Variants in CSMD1 observed in about 807,000 individuals in gnomAD.
CSMD1 encodes CUB and sushi domain-containing protein 1.
A neutral mutation model predicts 417.5 loss-of-function variants in CSMD1; 213 were observed. The observed-to-expected ratio is 0.51, with a 90% CI of 0.46 to 0.57. The LOEUF is 0.57. Among genes scored for constraint, CSMD1 ranks in the 20% least tolerant of loss-of-function variants. The pLI is 0.00. For synonymous variants in CSMD1, 2,862 were observed against 1,736.8 expected, an observed-to-expected ratio of 1.65 and a Z score of -16.11; for missense variants, 6,923 against 4,529.7, an observed-to-expected ratio of 1.53 and a Z score of -15.17.
chr8:3,563,471 C>T (rs1799562777), intron 10 of CSMD1, among the ~76,000 whole-genome samples: 1 of 133,272 alleles, frequency 7.5e-6, no homozygotes, highest in African/African-American at 2.8e-5. Context: ...AAAAGGACCA[C>T]ATCTAAGACC....
At chr8:4,971,824 T>C (rs1210867136) in intron 1 of CSMD1, among the ~76,000 whole-genome samples, 1 of 152,052 alleles carries the variant, frequency 6.6e-6, no homozygotes, top group African/African-American at 2.4e-5. Flanking sequence ...TAAAGATAAG[T>C]TGATTTGTCT....
chr8:4,197,502 G>C (rs1201776677), intron 3 of CSMD1, among the ~76,000 whole-genome samples: 1 of 152,184 alleles, frequency 6.6e-6, no homozygotes, highest in Non-Finnish European at 1.5e-5. Flanking sequence ...CTGACTCTCT[G>C]TCAAGTAAGA....
intron 10 of CSMD1, among the ~76,000 whole-genome samples, chr8:3,515,016 T>A (rs1393099520): frequency 6.6e-6 from 1 of 152,178 alleles, no homozygotes; most frequent in Non-Finnish European, 1.5e-5. Context: ...AAGCCTAACA[T>A]TTAATCAAAT....
At chr8:4,716,847 A>T (rs1808690112) in intron 1 of CSMD1, among the ~76,000 whole-genome samples, 1 of 152,180 alleles carries the variant, frequency 6.6e-6, no homozygotes, top group African/African-American at 2.4e-5. Context: ...ATTTGAAACA[A>T]CCAAATTTTG....
intron 10 of CSMD1, among the ~76,000 whole-genome samples, chr8:3,508,377 G>C (rs1212153009): frequency 3.3e-5 from 5 of 151,722 alleles, no homozygotes; most frequent in Non-Finnish European, 7.4e-5. Context: ...GGAGGGGGGA[G>C]GGATAGCATT....
intron 11 of CSMD1, among the ~76,000 whole-genome samples, chr8:3,484,042 T>A (rs1225229475): frequency 2.6e-5 from 4 of 152,206 alleles, no homozygotes; most frequent in Non-Finnish European, 1.5e-5. Context: ...CCAGCAATGT[T>A]TTTATACATT....
intron 3 of CSMD1, among the ~76,000 whole-genome samples, chr8:4,306,380 T>A (rs916149572): frequency 1.0e-4 from 14 of 135,144 alleles, no homozygotes; most frequent in Admixed American, 7.2e-4. Context: ...ACTCTGATAA[T>A]GCTGGATTAA....
chr8:3,907,293 G>T (rs2688291), intron 5 of CSMD1, among the ~76,000 whole-genome samples: 44,862 of 152,154 alleles, frequency 0.29, 10,228 homozygotes, highest in African/African-American at 0.64. Context: ...GACTTTTTAA[G>T]AAGACATTAA....
chr8:4,780,159 T>A (rs1382950703), intron 1 of CSMD1, among the ~76,000 whole-genome samples: 1 of 152,204 alleles, frequency 6.6e-6, no homozygotes, highest in Non-Finnish European at 1.5e-5. Flanking sequence ...GGCCAGACCT[T>A]CAGCATCTTT....
chr8:3,628,175 C>A, intron 7 of CSMD1, among the ~76,000 whole-genome samples: 1 of 152,174 alleles, frequency 6.6e-6, no homozygotes, highest in East Asian at 1.9e-4. Flanking sequence ...GTTACTGAAT[C>A]TCTACCATTG....
intron 3 of CSMD1, among the ~76,000 whole-genome samples, chr8:4,221,165 T>G (rs1801008538): frequency 6.6e-6 from 1 of 152,162 alleles, no homozygotes; most frequent in Non-Finnish European, 1.5e-5. Flanking sequence ...TGAAGCTCCA[T>G]CCGTGATTCT....
intron 23 of CSMD1, among the ~76,000 whole-genome samples, chr8:3,309,427 T>TGAATCATTA (rs1429446074): frequency 7.0e-6 from 1 of 141,950 alleles, no homozygotes; most frequent in Non-Finnish European, 1.6e-5. Flanking sequence ...ACTCCAGAAA[T>TGAATCATTA]GAATCATTAT....
intron 7 of CSMD1, among the ~76,000 whole-genome samples, chr8:3,640,404 T>C (rs553227984): frequency 4.6e-5 from 7 of 152,358 alleles, no homozygotes; most frequent in Admixed American, 1.3e-4. Flanking sequence ...AAAACTATGG[T>C]ACATTGTAAA....
chr8:3,634,287 C>G (rs951335934), intron 7 of CSMD1, among the ~76,000 whole-genome samples: 4 of 152,210 alleles, frequency 2.6e-5, no homozygotes, highest in African/African-American at 9.6e-5. Context: ...GAGCACCCCT[C>G]TGGTAGGACT....
intron 37 of CSMD1, among the ~76,000 whole-genome samples, chr8:3,175,764 TTTGCTTTGCAGAATA>T (rs1380276817): frequency 6.6e-6 from 1 of 152,174 alleles, no homozygotes; most frequent in Non-Finnish European, 1.5e-5. Context: ...GTAACTTAAA[TTTGCTTTGCAGAATA>T]TATTAGTATT....
chr8:3,275,457 T>A (rs1287952542), intron 26 of CSMD1, among the ~76,000 whole-genome samples: 1 of 152,220 alleles, frequency 6.6e-6, no homozygotes, highest in Non-Finnish European at 1.5e-5. Context: ...CTGTATTTCC[T>A]GAATGTGAAT....
chr8:4,962,598 T>C (rs1225851684), intron 1 of CSMD1, among the ~76,000 whole-genome samples: 2 of 152,164 alleles, frequency 1.3e-5, no homozygotes, highest in South Asian at 2.1e-4. Context: ...GGGTATTTGA[T>C]AAAGCACCCC....
intron 23 of CSMD1, among the ~76,000 whole-genome samples, chr8:3,318,907 G>A (rs1477785465): frequency 6.6e-6 from 1 of 152,114 alleles, no homozygotes; most frequent in African/African-American, 2.4e-5. Context: ...CATGCTTGAT[G>A]GCAGGTGCTG....
chr8:3,529,327 G>A (rs1306596459), intron 10 of CSMD1, among the ~76,000 whole-genome samples: 4 of 152,090 alleles, frequency 2.6e-5, no homozygotes, highest in African/African-American at 7.2e-5. Context: ...GTTGCACATG[G>A]CCAACACACT....
Sources: gnomAD v4.1 joint callset for allele counts (sites outside exome capture counted in the v4.1 genomes callset) on GRCh38, gnomAD v4.1.1 for gene constraint, MANE v1.5 for transcripts, NCBI Gene and HGNC (gene_info 2026-07-23, HGNC 2026-07-21) for gene names.